LDB3: variants seen among roughly 807,000 people sequenced by gnomAD.
LDB3 encodes the protein LIM domain binding 3.
In LDB3, 49 loss-of-function variants were observed where a neutral mutation model predicts 69.0. The observed-to-expected ratio is 0.71, with a 90% CI of 0.56 to 0.90. The LOEUF (loss-of-function observed/expected upper bound fraction) is 0.90. Ranked by LOEUF, LDB3 falls within the 40% of genes least tolerant of loss-of-function variation. LDB3 has a pLI of 0.00. For missense variants in LDB3, 928 were observed against 974.1 expected (o/e 0.95, Z 0.63); for synonymous variants, 387 against 396.2 (o/e 0.98, Z 0.28).
intron 5 of LDB3, among the ~76,000 whole-genome samples, chr10:86,686,413 G>A (rs968002103): frequency 6.6e-6 from 1 of 152,202 alleles, no homozygotes; most frequent in African/African-American, 2.4e-5. Context: ...TTCCCCTGCT[G>A]TGTGTAGTGG....
At position 86,699,657 on chromosome 10, in the gene LDB3, G is replaced by A. The variant is rs1846172089; in HGVS notation, c.897-6874G>A. On this transcript the variant is annotated intron_variant, in intron 7 of 13. Coordinates refer to ENST00000361373, the MANE Select transcript of LDB3 (RefSeq NM_007078.3). The surrounding 1 kb of genome is among the most constrained non-coding windows in gnomAD (Gnocchi z 4.9). ...CCCCTGCCCTCTGCACAGGGCCTTA[G>A]CTGTAGACCAGAGAGGGCAGGAGGG... 7.7e-7 allele frequency: 1 copy of A among 1,297,590 alleles called. No homozygotes were observed. The highest frequency in any genetic ancestry group is 9.9e-7 in the Non-Finnish European group (1 of 1,012,532). 80.4% of individuals were successfully genotyped at this position (1,297,590 alleles called of 1,614,324 possible).
At chr10:86,678,035 T>TTTG (rs1554848470) in intron 2 of LDB3, among the ~76,000 whole-genome samples, 3 of 151,984 alleles carry the variant, frequency 2.0e-5, no homozygotes, top group Non-Finnish European at 4.4e-5. Flanking sequence ...GCCTGCAGTT[T>TTTG]TTTGTTTGTT....
intron 5 of LDB3, among the ~76,000 whole-genome samples, chr10:86,682,186 C>A (rs1385128387): frequency 6.6e-6 from 1 of 152,210 alleles, no homozygotes; most frequent in Non-Finnish European, 1.5e-5. Flanking sequence ...AAGAGCTATG[C>A]ACAGGTCCCC....
At chr10:86,689,965 A>C (rs1027180632) in intron 5 of LDB3, among the ~76,000 whole-genome samples, 5 of 152,238 alleles carry the variant, frequency 3.3e-5, no homozygotes, top group African/African-American at 1.2e-4. Context: ...TGAAAGGCAC[A>C]GCAGTTTCCT....
At chr10:86,672,511 G>A (rs1438580430) in intron 2 of LDB3, among the ~76,000 whole-genome samples, 2 of 152,232 alleles carry the variant, frequency 1.3e-5, no homozygotes, top group Non-Finnish European at 2.9e-5. Context: ...GCTGGAGCAC[G>A]CAGTGCTGTT....
At chr10:86,683,586 T>C (rs1272286066) in intron 5 of LDB3, among the ~76,000 whole-genome samples, 3 of 152,212 alleles carry the variant, frequency 2.0e-5, no homozygotes, top group African/African-American at 7.2e-5. Context: ...TGTAAATTAT[T>C]TCTTGGTGCT....
chr10:86,711,717 C>T (rs1180655839), intron 9 of LDB3, among the ~76,000 whole-genome samples: 1 of 151,098 alleles, frequency 6.6e-6, no homozygotes, highest in Admixed American at 6.6e-5. Flanking sequence ...ATCGCTGGCG[C>T]CCGAGGTGGG....
At position 86,716,779 on chromosome 10, in the gene LDB3, C is replaced by G; in HGVS notation, c.1676+8C>G. ...CTGCAACAATGTCATCCGGTATGGT[C>G]CAGCTGTGCCCCTGCACTGGGGCAC... On this transcript the variant is annotated splice_region_variant and intron_variant, in intron 10 of 13. Transcript: ENST00000361373. 1 of 1,598,426 alleles carries G rather than the reference C, an allele frequency of 6.3e-7. No individual in the cohort carries two copies. Among genetic ancestry groups the G allele is most frequent in the Non-Finnish European group, 8.5e-7 (1 of 1,173,068 alleles).
In LDB3 at chr10:86,687,223, A is replaced by G; in HGVS notation, c.690-4673A>G. 1 of 1,614,186 alleles carries G rather than the reference A, an allele frequency of 6.2e-7. No individual in the cohort carries two copies. Among genetic ancestry groups the G allele is most frequent in the Non-Finnish European group, 8.5e-7 (1 of 1,180,030 alleles). On this transcript the variant is annotated intron_variant, in intron 5 of 13. Transcript: ENST00000361373. ...CAGCATGTATTCCCAGGATGCCATCATGGATGCCATCGCTGGGCAGGCCCA... is the reference window on the plus strand; with the variant it reads ...CAGCATGTATTCCCAGGATGCCATCGTGGATGCCATCGCTGGGCAGGCCCA...
At chr10:86,701,116 G>GCCT (rs1437270749) in intron 7 of LDB3, among the ~76,000 whole-genome samples, 1 of 152,136 alleles carries the variant, frequency 6.6e-6, no homozygotes, top group African/African-American at 2.4e-5. Context: ...ACCTATTCTG[G>GCCT]CCTCCCACCC....
chr10:86,725,887 C>A (rs1452463554), intron 12 of LDB3, among the ~76,000 whole-genome samples: 1 of 152,172 alleles, frequency 6.6e-6, no homozygotes, highest in Non-Finnish European at 1.5e-5. Context: ...AGGTTGATGA[C>A]AATTCCAGAA....
At chr10:86,726,964 C>T (rs976304995) in intron 13 of LDB3, among the ~76,000 whole-genome samples, 2 of 151,988 alleles carry the variant, frequency 1.3e-5, no homozygotes, top group Admixed American at 6.6e-5. Flanking sequence ...AAACAGTCAT[C>T]CCTGAGAAAG....
intron 9 of LDB3, among the ~76,000 whole-genome samples, chr10:86,711,355 G>T (rs990555072): frequency 7.9e-5 from 12 of 152,158 alleles, no homozygotes; most frequent in Non-Finnish European, 1.5e-4. Context: ...GAGCGAGACG[G>T]GCCGGAGCCG....
chr10:86,703,419 G>C (rs1019883391), intron 7 of LDB3, among the ~76,000 whole-genome samples: 2 of 152,230 alleles, frequency 1.3e-5, no homozygotes, highest in Non-Finnish European at 2.9e-5. Flanking sequence ...GAAGGGCCAG[G>C]GCCAGGCACG....
rs745718457 is a variant in LDB3 at position 86,716,624 on chromosome 10, G to A, written c.1529G>A (p.Ser510Asn). The change falls in exon 10 of 14, where the codon AGC becomes AAC. Residue 510 changes from serine (S) to asparagine (N), a missense_variant. By Grantham distance (46) the Ser-to-Asn change is conservative (BLOSUM62 1). Transcript: ENST00000361373. ...CCGGGCAAGAGCACCACCTCCATCA[G>A]CAAGCAGACCCTGCCCCGGGGAGGC... ...FAPGKSTTSI[S>N]KQTLPRGGPA... 2.0e-5 allele frequency: 33 copies of A among 1,613,758 alleles called. No individual in the cohort carries two copies. In the East Asian group the frequency reaches 7.1e-4, roughly 35 times the overall value.
chr10:86,685,727 T>C (rs761472599), intron 5 of LDB3: 65 of 1,613,726 alleles, frequency 4.0e-5, no homozygotes, highest in Non-Finnish European at 5.1e-5. Flanking sequence ...AGCATGTGTG[T>C]GCGCTTGCGT....
rs1260205156 is a variant in LDB3 at position 86,699,721 on chromosome 10, T to C, written c.897-6810T>C. 2.6e-6 allele frequency: 3 copies of C among 1,148,840 alleles called. No individual in the cohort carries two copies. The highest frequency in any genetic ancestry group is 3.2e-6 in the Non-Finnish European group (3 of 924,496). 71.2% of individuals were successfully genotyped at this position (1,148,840 alleles called of 1,614,324 possible). On this transcript the variant is annotated intron_variant, in intron 7 of 13. Coordinates refer to ENST00000361373, the MANE Select transcript of LDB3 (RefSeq NM_007078.3). This position sits in a 1 kb window ranked among gnomAD's most constrained non-coding sequence, Gnocchi z 4.9. Reference sequence around the variant, plus strand: ...ACACCCCAGAACCAAGGGAAATGGATGGGCCGCTGCTCAGTTTCCCACCAT... The same window carrying C: ...ACACCCCAGAACCAAGGGAAATGGACGGGCCGCTGCTCAGTTTCCCACCAT...
chr10:86,704,861 C>A (rs1032486473), intron 7 of LDB3, among the ~76,000 whole-genome samples: 2 of 152,074 alleles, frequency 1.3e-5, no homozygotes, highest in African/African-American at 4.8e-5. Flanking sequence ...GGATTACAGG[C>A]GTGAGTCACT....
Position 86,679,628 on chromosome 10 carries a change from C to CAA in LDB3, c.245+113_245+114dup, listed in dbSNP as rs1845001374. ...ATTGAGTGGGCCCCGCCCTGGGCTACAAAACTGTGCAGGAAGATAAGGACA... is the reference window on the plus strand; with the variant it reads ...ATTGAGTGGGCCCCGCCCTGGGCTACAAAAAACTGTGCAGGAAGATAAGGACA... On this transcript the variant is annotated intron_variant, in intron 3 of 13. Coordinates refer to ENST00000361373, the MANE Select transcript of LDB3 (RefSeq NM_007078.3). The CAA allele has an allele frequency of 5.6e-6, 7 of 1,240,876 alleles. No homozygotes were observed. The Admixed American group carries it at 1.3e-4, about 22-fold the overall frequency. The allele number at this position is 1,240,876 out of a possible 1,614,324, so 76.9% of individuals were successfully genotyped here. A position where few individuals can be genotyped will look rare whatever the true frequency, so the allele number is the denominator to read the frequency against.
Sources: gnomAD v4.1 joint callset for allele counts (sites outside exome capture counted in the v4.1 genomes callset) on GRCh38, gnomAD v4.1.1 for gene constraint, Gnocchi (gnomAD v3.1) non-coding constraint, MANE v1.5 for transcripts, NCBI Gene and HGNC (gene_info 2026-07-23, HGNC 2026-07-21) for gene names.